The following WNT3 variants were observed in gnomAD, a reference collection of about 807,000 sequenced individuals.
The protein encoded by WNT3 is Wnt family member 3.
WNT3 carries 7 observed loss-of-function variants against 34.2 expected under a neutral mutation model. The observed-to-expected ratio is 0.20, with a 90% CI of 0.12 to 0.38. The LOEUF (loss-of-function observed/expected upper bound fraction) is 0.38. Ranked by LOEUF, WNT3 falls within the 10% of genes least tolerant of loss-of-function variation. The probability of loss-of-function intolerance (pLI) is 1.00; values close to 1 mark genes in which losing one functional copy is unlikely to be tolerated. For synonymous variants in WNT3, 212 were observed against 211.5 expected, an observed-to-expected ratio of 1.00 and a Z score of -0.02; for missense variants, 267 against 499.8, an observed-to-expected ratio of 0.53 and a Z score of 4.44.
At chr17:46,778,659 T>G (rs555764560) in intron 1 of WNT3, among the ~76,000 whole-genome samples, 266 of 152,318 alleles carry the variant, frequency 1.7e-3, no homozygotes, top group Non-Finnish European at 2.7e-3. Context: ...GTGACTCTCA[T>G]GCTCCTCGAT....
At chr17:46,787,841 A>G (rs2059523465) in intron 1 of WNT3, among the ~76,000 whole-genome samples, 1 of 152,102 alleles carries the variant, frequency 6.6e-6, no homozygotes. Context: ...CTGTAATCAC[A>G]GCTACCCTGG....
Position 46,792,625 on chromosome 17 carries a change from C to T in WNT3, c.81-18716G>A, listed in dbSNP as rs929374587. Among the ~76,000 whole-genome samples, 7 of 152,010 alleles carry T rather than the reference C, an allele frequency of 4.6e-5. No homozygotes were observed. In the East Asian group the frequency reaches 1.3e-3, roughly 29 times the overall value. The stretch of plus-strand genomic sequence containing the variant: ...AGTAGCTGGGACTATAGGTGCATGC[C>T]ACCACACCTGGCTAATTTTTGTATT... On this transcript the variant is annotated intron_variant, in intron 1 of 4. Coordinates refer to ENST00000225512, the MANE Select transcript of WNT3 (RefSeq NM_030753.5).
At chr17:46,808,015 GC>G (rs1344471332) in intron 1 of WNT3, among the ~76,000 whole-genome samples, 1 of 152,240 alleles carries the variant, frequency 6.6e-6, no homozygotes. Flanking sequence ...AGAAGATTCT[GC>G]CCAGCTGCTT....
intron 1 of WNT3, among the ~76,000 whole-genome samples, chr17:46,799,752 T>G (rs1046082304): frequency 6.6e-6 from 1 of 152,148 alleles, no homozygotes; most frequent in Non-Finnish European, 1.5e-5. Flanking sequence ...CTAGCCAGTT[T>G]CTGTCTGTTA....
At chr17:46,782,866 C>T (rs1044658788) in intron 1 of WNT3, among the ~76,000 whole-genome samples, 4 of 152,204 alleles carry the variant, frequency 2.6e-5, no homozygotes, top group Admixed American at 6.5e-5. Flanking sequence ...GTGCACCCTG[C>T]GGGTACTGAG....
At chr17:46,775,699 C>T (rs1185574814) in intron 1 of WNT3, among the ~76,000 whole-genome samples, 5 of 151,114 alleles carry the variant, frequency 3.3e-5, no homozygotes, top group Non-Finnish European at 4.4e-5. Flanking sequence ...CTGCAAGCTC[C>T]GCCTCCTGGG....
Position 46,768,430 on chromosome 17 carries a change from T to A in WNT3, c.958A>T (p.Asn320Tyr). Residue 320 changes from asparagine (N) to tyrosine (Y), a missense_variant, in exon 4 of 5, where the codon AAC becomes TAC. Transcript: ENST00000225512. This position sits in a 1 kb window ranked among gnomAD's most constrained non-coding sequence, Gnocchi z 5.0. ...CDLLCCGRGH[N>Y]TRTEKRKEKC... ...TCCTTCCGCTTCTCCGTCCTCGTGT[T>A]GTGGCCCCGGCCACAGCAGAGCAGA... The A allele has an allele frequency of 6.2e-7, 1 of 1,614,088 alleles. No individual in the cohort carries two copies. Among genetic ancestry groups the A allele is most frequent in the Non-Finnish European group, 8.5e-7 (1 of 1,180,042 alleles).
At position 46,773,803 on chromosome 17, in the gene WNT3, T is replaced by C. The variant is rs1314013087; in HGVS notation, c.187A>G (p.Ile63Val). ...TCGGCCACGCTGGGCATGATCTCGA[T>C]GTAATTGCGGCAGAAGCGCAGTTGC... is the stretch of plus-strand genomic sequence containing the variant. ...PKQLRFCRNY[I>V]EIMPSVAEGV... The change falls in exon 2 of 5, where the codon ATC becomes GTC. Residue 63 changes from isoleucine to valine, a missense_variant. Transcript: ENST00000225512. 6.2e-7 allele frequency: 1 copy of C among 1,613,546 alleles called. No individual in the cohort carries two copies. Among genetic ancestry groups the C allele is most frequent in the South Asian group, 1.1e-5 (1 of 91,082 alleles).
intron 1 of WNT3, among the ~76,000 whole-genome samples, chr17:46,777,463 T>G (rs1013579575): frequency 6.6e-6 from 1 of 152,246 alleles, no homozygotes; most frequent in Non-Finnish European, 1.5e-5. Context: ...TCTGGCACAC[T>G]GCCTGCATGG....
chr17:46,805,103 A>G (rs2084177464), intron 1 of WNT3, among the ~76,000 whole-genome samples: 1 of 152,090 alleles, frequency 6.6e-6, no homozygotes, highest in African/African-American at 2.4e-5. Flanking sequence ...CCACGAACCC[A>G]CTGGAAGGAA....
At chr17:46,803,100 C>T (rs541547854) in intron 1 of WNT3, among the ~76,000 whole-genome samples, 210 of 152,308 alleles carry the variant, frequency 1.4e-3, no homozygotes, top group Middle Eastern at 0.01. Context: ...GATTAGAGGA[C>T]GCTGGCTGAT....
chr17:46,807,808 C>T (rs181753791), intron 1 of WNT3, among the ~76,000 whole-genome samples: 190 of 152,276 alleles, frequency 1.2e-3, no homozygotes, highest in Middle Eastern at 3.4e-3. Context: ...AAGGTCCACA[C>T]GGGTGCAAGG....
intron 1 of WNT3, among the ~76,000 whole-genome samples, chr17:46,785,603 A>G (rs2059497136): frequency 6.6e-6 from 1 of 152,208 alleles, no homozygotes; most frequent in South Asian, 2.1e-4. Flanking sequence ...CAGCTTCTGA[A>G]GGTTCCCTTT....
At chr17:46,784,605 G>C (rs1215783491) in intron 1 of WNT3, among the ~76,000 whole-genome samples, 1 of 152,058 alleles carries the variant, frequency 6.6e-6, no homozygotes, top group Non-Finnish European at 1.5e-5. Context: ...TGGAAAGGTG[G>C]GCTCTCCCGA....
intron 4 of WNT3, among the ~76,000 whole-genome samples, chr17:46,765,191 G>A (rs1200522965): frequency 6.6e-6 from 1 of 152,242 alleles, no homozygotes; most frequent in African/African-American, 2.4e-5. Flanking sequence ...GGGCTGACAA[G>A]GCCAAGATAA....
chr17:46,778,006 C>T (rs1427661684), intron 1 of WNT3, among the ~76,000 whole-genome samples: 1 of 152,220 alleles, frequency 6.6e-6, no homozygotes, highest in Non-Finnish European at 1.5e-5. Context: ...ATTTTCTTAA[C>T]CTCTATACCT....
intron 4 of WNT3, among the ~76,000 whole-genome samples, chr17:46,764,986 C>T (rs1372088850): frequency 1.3e-5 from 2 of 152,252 alleles, no homozygotes; most frequent in African/African-American, 4.8e-5. Flanking sequence ...CTGTGCTGGG[C>T]TCACGCCAGG....
At chr17:46,815,687 G>A (rs1348536305) in intron 1 of WNT3, among the ~76,000 whole-genome samples, 5 of 152,162 alleles carry the variant, frequency 3.3e-5, no homozygotes, top group Admixed American at 3.3e-4. Flanking sequence ...ACCTCAGAGA[G>A]AAGGGCCAGT....
At chr17:46,810,557 T>C (rs1183581745) in intron 1 of WNT3, among the ~76,000 whole-genome samples, 1 of 152,118 alleles carries the variant, frequency 6.6e-6, no homozygotes, top group East Asian at 1.9e-4. Flanking sequence ...GGTGGTCGTG[T>C]TATTATCATC....
Sources: allele counts gnomAD v4.1 joint callset (sites outside exome capture counted in the v4.1 genomes callset), GRCh38; gene constraint gnomAD v4.1.1; non-coding constraint Gnocchi (gnomAD v3.1); transcripts MANE v1.5; gene names NCBI Gene and HGNC (gene_info 2026-07-23, HGNC 2026-07-21).